The following FGF5 variants were observed in gnomAD, a reference collection of about 807,000 sequenced individuals.
FGF5 encodes the protein fibroblast growth factor 5, also known as heparin-binding growth factor 5.
In FGF5, 23 loss-of-function variants were observed where a neutral mutation model predicts 21.8. That is an observed-to-expected ratio of 1.05 (90% CI 0.76 to 1.49). The LOEUF (loss-of-function observed/expected upper bound fraction) is 1.49, where lower values mean the gene tolerates loss of function less well. FGF5 is among the 40% of genes most tolerant of loss of function. The pLI is 0.00. For synonymous variants in FGF5, 158 were observed against 124.0 expected (o/e 1.27, Z -1.82); for missense variants, 352 against 332.9 (o/e 1.06, Z -0.45).
In FGF5 at chr4:80,274,958, A is replaced by T; in HGVS notation, c.405A>T (p.Gly135=). The T allele has an allele frequency of 6.2e-7, 1 of 1,600,782 alleles. No individual in the cohort carries two copies. The highest frequency in any genetic ancestry group is 2.3e-5 in the East Asian group (1 of 44,288). ...CTCAGGGGATTGTAGGAATACGAGG[A>T]GTTTTCAGCAACAAATTTTTAGCGA... ...AVSQGIVGIR[G]VFSNKFLAMS... The change falls in exon 2 of 3, where the codon GGA becomes GGT. Residue 135 remains glycine, a synonymous_variant. Coordinates refer to ENST00000312465, the MANE Select transcript of FGF5 (RefSeq NM_004464.4).
intron 2 of FGF5, among the ~76,000 whole-genome samples, chr4:80,281,071 G>A (rs960899193): frequency 6.6e-6 from 1 of 152,100 alleles, no homozygotes; most frequent in Non-Finnish European, 1.5e-5. Context: ...CTGAGATATA[G>A]AAGGAACGAA....
At chr4:80,269,485 T>C (rs540570330) in intron 1 of FGF5, among the ~76,000 whole-genome samples, 10 of 152,092 alleles carry the variant, frequency 6.6e-5, no homozygotes, top group African/African-American at 2.2e-4. Context: ...TCAAAAAGAG[T>C]GCACCCAGAT....
rs1156927310 is a variant in FGF5 at position 80,286,725 on chromosome 4, G to T, written c.*53G>T. 18 of 1,426,650 alleles carry T rather than the reference G, an allele frequency of 1.3e-5. No individual in the cohort carries two copies. The highest frequency in any genetic ancestry group is 1.5e-5 in the Non-Finnish European group (15 of 1,030,358). 88.4% of individuals were successfully genotyped at this position (1,426,650 alleles called of 1,614,324 possible). On this transcript the variant is annotated 3_prime_UTR_variant, in exon 3 of 3. Transcript: ENST00000312465. ...TTCTTTCCCCTCAGGAGTTTCTATA[G>T]GTGTCTTCAGAGTTCTGAAGAAAAA...
intron 1 of FGF5, among the ~76,000 whole-genome samples, chr4:80,270,772 C>T (rs577101897): frequency 3.3e-5 from 5 of 152,194 alleles, no homozygotes; most frequent in East Asian, 1.9e-4. Flanking sequence ...TTTGTCAAAG[C>T]GTTTACATAA....
Position 80,274,936 on chromosome 4 carries a change from AG to A in FGF5, c.387del (p.Ile130LeufsTer2). 4 of 1,590,540 alleles carry A rather than the reference AG, an allele frequency of 2.5e-6. No homozygotes were observed. The highest frequency in any genetic ancestry group is 3.4e-6 in the Non-Finnish European group (4 of 1,162,470). ...LSVLEIFAVS[Q>X]GIVGIRGVFS... Reference sequence around the variant, plus strand: ...GTTTTGGAAATATTTGCTGTGTCTCAGGGGATTGTAGGAATACGAGGAGTTT... The same window carrying A: ...GTTTTGGAAATATTTGCTGTGTCTCAGGGATTGTAGGAATACGAGGAGTTT... On this transcript the variant is annotated frameshift_variant, in exon 2 of 3. Transcript: ENST00000312465. LOFTEE classifies it high-confidence loss of function.
intron 2 of FGF5, among the ~76,000 whole-genome samples, chr4:80,278,450 T>A (rs1329247702): frequency 6.6e-6 from 1 of 152,164 alleles, no homozygotes; most frequent in Admixed American, 6.6e-5. Context: ...TGCCACAGAA[T>A]TTTACAAATG....
intron 2 of FGF5, among the ~76,000 whole-genome samples, chr4:80,282,805 AT>A (rs1480752058): frequency 6.6e-6 from 1 of 152,124 alleles, no homozygotes; most frequent in Non-Finnish European, 1.5e-5. Flanking sequence ...TAGAAAAATA[AT>A]GGAGTTCTAT....
intron 1 of FGF5, among the ~76,000 whole-genome samples, chr4:80,274,138 T>A (rs898467078): frequency 6.6e-6 from 1 of 152,176 alleles, no homozygotes; most frequent in African/African-American, 2.4e-5. Flanking sequence ...CTTGATCCAG[T>A]GGACGTGAAT....
intron 2 of FGF5, among the ~76,000 whole-genome samples, chr4:80,281,399 CTTTT>C (rs1384875722): frequency 1.3e-5 from 2 of 152,074 alleles, no homozygotes; most frequent in Non-Finnish European, 2.9e-5. Context: ...CTATGATAAC[CTTTT>C]TGTTATTTAA....
chr4:80,285,730 C>T (rs975288807), intron 2 of FGF5, among the ~76,000 whole-genome samples: 5 of 152,064 alleles, frequency 3.3e-5, no homozygotes, highest in Non-Finnish European at 5.9e-5. Context: ...ATATACTTTC[C>T]TGTAATGCCT....
At chr4:80,277,477 A>C (rs1480269412) in intron 2 of FGF5, among the ~76,000 whole-genome samples, 3 of 152,154 alleles carry the variant, frequency 2.0e-5, no homozygotes, top group African/African-American at 7.2e-5. Context: ...TATTTTTTAA[A>C]GATGTTGAAT....
rs1031236697 is a variant in FGF5 at position 80,286,894 on chromosome 4, A to G, written c.*222A>G. On this transcript the variant is annotated 3_prime_UTR_variant, in exon 3 of 3. Transcript: ENST00000312465. ...AGGGAGCACACTCCTTCAGTTCAGC[A>G]AGACATAAAGCCTTTTGCTTTATGC... is the stretch of plus-strand genomic sequence containing the variant. The G allele has an allele frequency of 6.2e-6, 3 of 485,224 alleles. No homozygotes were observed. The allele number at this position is 485,224 out of a possible 1,614,324, so 30.1% of individuals were successfully genotyped here. A position where few individuals can be genotyped will look rare whatever the true frequency, so the allele number is the denominator to read the frequency against.
intron 1 of FGF5, among the ~76,000 whole-genome samples, chr4:80,271,911 G>T (rs35332694): frequency 2.0e-5 from 3 of 152,292 alleles, no homozygotes; most frequent in East Asian, 3.9e-4. Flanking sequence ...TAGAATTCCT[G>T]AATGAGTTAC....
chr4:80,269,265 G>T (rs1464807136), intron 1 of FGF5, among the ~76,000 whole-genome samples: 1 of 152,176 alleles, frequency 6.6e-6, no homozygotes, highest in African/African-American at 2.4e-5. Flanking sequence ...AAACTAGCAG[G>T]CAGCAAGCAG....
chr4:80,267,273 C>T, intron 1 of FGF5, 94 bp downstream of exon 1: 10 of 1,050,298 alleles, frequency 9.5e-6, no homozygotes, highest in Non-Finnish European at 1.2e-5. Flanking sequence ...GGCTCACCTT[C>T]CTGAGCCCAG....
At chr4:80,268,799 T>G (rs2109916268) in intron 1 of FGF5, among the ~76,000 whole-genome samples, 1 of 152,354 alleles carries the variant, frequency 6.6e-6, no homozygotes, top group Non-Finnish European at 1.5e-5. Context: ...AGGGCCTCCC[T>G]CACACTCCCG....
intron 1 of FGF5, among the ~76,000 whole-genome samples, chr4:80,270,386 T>C (rs920671877): frequency 2.0e-5 from 3 of 149,472 alleles, no homozygotes. Context: ...TTTTTGCAAA[T>C]TGCAAATGTT....
At chr4:80,270,335 G>A (rs1720232109) in intron 1 of FGF5, among the ~76,000 whole-genome samples, 2 of 151,048 alleles carry the variant, frequency 1.3e-5, no homozygotes, top group South Asian at 2.1e-4. Context: ...ATAATCATAT[G>A]TGTTTCGCAA....
chr4:80,285,262 T>C (rs1288883388), intron 2 of FGF5, among the ~76,000 whole-genome samples: 1 of 152,204 alleles, frequency 6.6e-6, no homozygotes, highest in Non-Finnish European at 1.5e-5. Flanking sequence ...GGTGCTGACC[T>C]ACATTGTCTG....
Sources: gnomAD v4.1 joint callset for allele counts (sites outside exome capture counted in the v4.1 genomes callset) on GRCh38, gnomAD v4.1.1 for gene constraint, MANE v1.5 for transcripts, NCBI Gene and HGNC (gene_info 2026-07-23, HGNC 2026-07-21) for gene names.